GUCY1A2: variants seen among roughly 807,000 people sequenced by gnomAD.
GUCY1A2 encodes guanylate cyclase 1 soluble subunit alpha 2.
A neutral mutation model predicts 63.5 loss-of-function variants in GUCY1A2; 27 were observed. The ratio of observed to expected loss-of-function variants is 0.43; its 90% CI spans 0.31 to 0.59. The LOEUF (loss-of-function observed/expected upper bound fraction) is 0.59, where lower values mean the gene tolerates loss of function less well. Ranked by LOEUF, GUCY1A2 falls within the 20% of genes least tolerant of loss-of-function variation. GUCY1A2 has a pLI of 0.11. For missense variants in GUCY1A2, 768 were observed against 913.3 expected (o/e 0.84, Z 2.05); for synonymous variants, 364 against 343.5 (o/e 1.06, Z -0.66).
At chr11:106,933,961 G>T (rs576776252) in intron 4 of GUCY1A2, among the ~76,000 whole-genome samples, 42 of 152,258 alleles carry the variant, frequency 2.8e-4, no homozygotes, top group East Asian at 2.5e-3. Context: ...GATGGGAAAG[G>T]GGGGACAAGG....
intron 1 of GUCY1A2, among the ~76,000 whole-genome samples, chr11:107,001,383 C>T (rs7113207): frequency 0.028 from 4,322 of 152,044 alleles, 197 homozygotes; most frequent in African/African-American, 0.095. Flanking sequence ...TGTAAGTTGA[C>T]TGGTGTAGAA....
At chr11:106,987,423 C>T (rs555440929) in intron 1 of GUCY1A2, among the ~76,000 whole-genome samples, 3 of 152,226 alleles carry the variant, frequency 2.0e-5, no homozygotes, top group East Asian at 3.9e-4. Context: ...GGCCGAGGCA[C>T]GTGGATCACT....
intron 3 of GUCY1A2, among the ~76,000 whole-genome samples, chr11:106,957,940 A>T (rs529348632): frequency 3.7e-4 from 53 of 143,528 alleles, no homozygotes; most frequent in African/African-American, 1.3e-3. Context: ...GAAATCTAAA[A>T]TTTTTTTCAA....
chr11:107,000,602 G>A (rs374257448), intron 1 of GUCY1A2, among the ~76,000 whole-genome samples: 33 of 152,250 alleles, frequency 2.2e-4, no homozygotes, highest in African/African-American at 7.9e-4. Context: ...TAATGACAGG[G>A]TCATCTCTCT....
At chr11:106,857,955 A>C (rs1364720702) in intron 4 of GUCY1A2, among the ~76,000 whole-genome samples, 2 of 152,192 alleles carry the variant, frequency 1.3e-5, no homozygotes, top group African/African-American at 4.8e-5. Flanking sequence ...CCAGGACTTT[A>C]AGAAGGAAAA....
rs1001077518 is a variant in GUCY1A2, at chr11:106,917,725, T to C, written c.1206+21735A>G. 5.8e-5 allele frequency among the ~76,000 whole-genome samples: 7 copies of C among 121,214 alleles called. 1 individual carries two copies. The highest frequency in any genetic ancestry group is 8.8e-5 in the African/African-American group (3 of 33,910). The allele number at this position is 121,214 out of a possible 152,430, so 79.5% of individuals were successfully genotyped here. On this transcript the variant is annotated intron_variant, in intron 4 of 7. Coordinates refer to ENST00000526355, the MANE Select transcript of GUCY1A2 (RefSeq NM_000855.3). ...ACCAAACACCGCATGTTCTCACTCA[T>C]AGGTGGGAATTGAACAATGAGAACA...
chr11:106,964,492 C>A (rs996901381), intron 3 of GUCY1A2, among the ~76,000 whole-genome samples: 1 of 152,162 alleles, frequency 6.6e-6, no homozygotes, highest in African/African-American at 2.4e-5. Flanking sequence ...TTAGGAAGCA[C>A]ATCATGAAGT....
At chr11:106,728,420 T>C (rs912067632) in intron 6 of GUCY1A2, among the ~76,000 whole-genome samples, 4 of 152,188 alleles carry the variant, frequency 2.6e-5, no homozygotes, top group South Asian at 2.1e-4. Flanking sequence ...CCTGAAGAGA[T>C]AGAGAAGACA....
At chr11:106,865,529 T>C (rs1859580002) in intron 4 of GUCY1A2, among the ~76,000 whole-genome samples, 1 of 151,914 alleles carries the variant, frequency 6.6e-6, no homozygotes, top group South Asian at 2.1e-4. Flanking sequence ...AAACCATCGC[T>C]CTCAGGAAAC....
At chr11:106,876,342 C>A (rs574205842) in intron 4 of GUCY1A2, among the ~76,000 whole-genome samples, 1 of 152,124 alleles carries the variant, frequency 6.6e-6, no homozygotes, top group Non-Finnish European at 1.5e-5. Flanking sequence ...TGACAACCAT[C>A]ACTATGGTCC....
chr11:106,887,603 T>C (rs772064463), intron 4 of GUCY1A2, among the ~76,000 whole-genome samples: 3 of 152,210 alleles, frequency 2.0e-5, no homozygotes, highest in Non-Finnish European at 2.9e-5. Context: ...TGAGACCTCA[T>C]GCCAATCACT....
chr11:107,016,149 C>G (rs1306340417), intron 1 of GUCY1A2, among the ~76,000 whole-genome samples: 3 of 152,340 alleles, frequency 2.0e-5, no homozygotes, highest in Non-Finnish European at 4.4e-5. Context: ...TTAGGTCCCC[C>G]CTACCATCAT....
At chr11:106,799,380 G>A (rs777026337) in intron 5 of GUCY1A2, among the ~76,000 whole-genome samples, 1 of 152,078 alleles carries the variant, frequency 6.6e-6, no homozygotes, top group Non-Finnish European at 1.5e-5. Flanking sequence ...TTTCTTCACA[G>A]AATTGGAAAA....
At chr11:106,777,445 C>CAAA (rs34353077) in intron 5 of GUCY1A2, among the ~76,000 whole-genome samples, 40 of 91,360 alleles carry the variant, frequency 4.4e-4, no homozygotes, top group African/African-American at 1.2e-3. Context: ...GACTTGGTCT[C>CAAA]AAAAAAAAAA....
intron 6 of GUCY1A2, among the ~76,000 whole-genome samples, chr11:106,756,578 A>C (rs575434192): frequency 6.6e-6 from 1 of 152,206 alleles, no homozygotes; most frequent in Admixed American, 6.5e-5. Flanking sequence ...CTTGTCTGTA[A>C]AGGATTTTAT....
intron 7 of GUCY1A2, among the ~76,000 whole-genome samples, chr11:106,698,074 T>C (rs1388925424): frequency 6.6e-6 from 1 of 150,944 alleles, no homozygotes; most frequent in Non-Finnish European, 1.5e-5. Context: ...AGATCCTCTG[T>C]TATGTAAGTT....
At chr11:106,767,134 C>G (rs768118333) in intron 6 of GUCY1A2, among the ~76,000 whole-genome samples, 4 of 152,000 alleles carry the variant, frequency 2.6e-5, no homozygotes, top group Non-Finnish European at 5.9e-5. Flanking sequence ...AGACAAGAGG[C>G]AGGAATAAAA....
intron 6 of GUCY1A2, among the ~76,000 whole-genome samples, chr11:106,755,587 C>T (rs954331270): frequency 4.6e-5 from 7 of 152,164 alleles, no homozygotes; most frequent in Non-Finnish European, 8.8e-5. Flanking sequence ...TTTATTTCTG[C>T]CTTCATTTCG....
chr11:106,783,238 T>C (rs1038796829), intron 5 of GUCY1A2, among the ~76,000 whole-genome samples: 2 of 152,182 alleles, frequency 1.3e-5, no homozygotes, highest in Non-Finnish European at 2.9e-5. Flanking sequence ...TTAGACAAAG[T>C]GATGGGCATG....
Sources: gnomAD v4.1 joint callset for allele counts (sites outside exome capture counted in the v4.1 genomes callset) on GRCh38, gnomAD v4.1.1 for gene constraint, MANE v1.5 for transcripts, NCBI Gene and HGNC (gene_info 2026-07-23, HGNC 2026-07-21) for gene names.